The following RBM12 variants were observed in gnomAD, a reference collection of about 807,000 sequenced individuals.
RBM12 encodes the protein RNA binding motif protein 12.
A neutral mutation model predicts 37.2 loss-of-function variants in RBM12; 24 were observed. The ratio of observed to expected loss-of-function variants is 0.65; its 90% CI spans 0.47 to 0.91. RBM12 has a LOEUF of 0.91. Ranked by LOEUF, RBM12 falls within the 40% of genes least tolerant of loss-of-function variation. RBM12 has a pLI of 0.00. For missense variants in RBM12, 1,061 were observed against 1,183.2 expected, an observed-to-expected ratio of 0.90 and a Z score of 1.52; for synonymous variants, 420 against 425.2, an observed-to-expected ratio of 0.99 and a Z score of 0.15.
Position 35,649,772 on chromosome 20 carries a change from AGAAG to A in RBM12, c.*2748_*2751del, listed in dbSNP as rs753306409. 12 of 152,396 alleles carry A rather than the reference AGAAG, an allele frequency of 7.9e-5. No homozygotes were observed. The highest frequency in any genetic ancestry group is 2.4e-4 in the African/African-American group (10 of 41,456). The allele number at this position is 152,396 out of a possible 1,614,324, so 9.4% of individuals were successfully genotyped here. The stretch of plus-strand genomic sequence containing the variant: ...AATGAACACCAATAAAAAAAAAATC[AGAAG>A]GGAGAGGAAAAAAAATTAAATCTAA... On this transcript the variant is annotated 3_prime_UTR_variant, in exon 3 of 3. Coordinates refer to ENST00000374114, the MANE Select transcript of RBM12 (RefSeq NM_006047.6).
At position 35,654,907 on chromosome 20, in the gene RBM12, G is replaced by C; in HGVS notation, c.416C>G (p.Ser139Cys). 1 of 1,614,168 alleles carries C rather than the reference G, an allele frequency of 6.2e-7. No homozygotes were observed. Among genetic ancestry groups the C allele is most frequent in the Non-Finnish European group, 8.5e-7 (1 of 1,179,994 alleles). Residue 139 changes from serine (S) to cysteine (C), a missense_variant, in exon 3 of 3, where the codon TCT (serine) becomes TGT (cysteine). By Grantham distance (112) the Ser-to-Cys change is moderately radical. Coordinates refer to ENST00000374114, the MANE Select transcript of RBM12 (RefSeq NM_006047.6). ...PSPSVVTATT[S>C]VHESNKNIQT... Reference sequence around the variant, plus strand: ...TATGTTTTTGTTGCTTTCATGAACAGAAGTGGTGGCAGTAACTACACTGGG... The same window carrying C: ...TATGTTTTTGTTGCTTTCATGAACACAAGTGGTGGCAGTAACTACACTGGG...
At position 35,655,674 on chromosome 20, in the gene RBM12, C is replaced by G. The variant is rs149894776; in HGVS notation, c.-22-330G>C. Among the ~76,000 whole-genome samples the G allele has an allele frequency of 3.0e-3, 459 of 152,156 alleles. 2 individuals carry two copies. Among genetic ancestry groups the G allele is most frequent in the African/African-American group, 0.011 (440 of 41,476 alleles). Reference sequence around the variant, plus strand: ...ATTCAGTAAGATTTAAAAGAAATGTCTAAGTCAAATCAGGAAACAAAGTTT... The same window carrying G: ...ATTCAGTAAGATTTAAAAGAAATGTGTAAGTCAAATCAGGAAACAAAGTTT... On this transcript the variant is annotated intron_variant, in intron 2 of 2. Coordinates refer to ENST00000374114, the MANE Select transcript of RBM12 (RefSeq NM_006047.6).
At chr20:35,662,347 TG>T (rs2034277314) in intron 1 of RBM12, among the ~76,000 whole-genome samples, 1 of 152,232 alleles carries the variant, frequency 6.6e-6, no homozygotes, top group Non-Finnish European at 1.5e-5. Flanking sequence ...TCTTAAAAGC[TG>T]GCTTTAAACT....
At chr20:35,655,820 G>C (rs745325443) in intron 2 of RBM12, among the ~76,000 whole-genome samples, 2 of 152,060 alleles carry the variant, frequency 1.3e-5, no homozygotes, top group Non-Finnish European at 2.9e-5. Flanking sequence ...ATTTTATAGA[G>C]CTCAGTCTCA....
At chr20:35,660,510 C>T (rs1333999924) in intron 1 of RBM12, among the ~76,000 whole-genome samples, 5 of 152,160 alleles carry the variant, frequency 3.3e-5, no homozygotes, top group Admixed American at 2.6e-4. Context: ...TGAGCCACCA[C>T]GCCTGGCCTA....
intron 1 of RBM12, 35 bp downstream of exon 1, chr20:35,664,715 GAGCCCCGCAC>G (rs1568949663): frequency 6.6e-6 from 1 of 152,362 alleles, no homozygotes; most frequent in African/African-American, 2.4e-5. Context: ...GGGGCACCAC[GAGCCCCGCAC>G]AGCCCCACCC....
At position 35,653,171 on chromosome 20, in the gene RBM12, C is replaced by G; in HGVS notation, c.2152G>C (p.Gly718Arg). The G allele has an allele frequency of 6.2e-7, 1 of 1,613,534 alleles. No homozygotes were observed. Among genetic ancestry groups the G allele is most frequent in the Non-Finnish European group, 8.5e-7 (1 of 1,180,034 alleles). ...LTVGSKEANNGPPFNFPGNFG... is the reference protein window; with the variant it reads ...LTVGSKEANNRPPFNFPGNFG... The stretch of plus-strand genomic sequence containing the variant: ...TTACCAGGAAAGTTAAATGGAGGCC[C>G]ATTATTGGCTTCCTTTGATCCTACA... The change falls in exon 3 of 3, where the codon GGG (glycine) becomes CGG (arginine). Residue 718 changes from glycine to arginine, a missense_variant. Physicochemically the swap from Gly to Arg is moderately radical, Grantham distance 125 (BLOSUM62 -2). Coordinates refer to ENST00000374114, the MANE Select transcript of RBM12 (RefSeq NM_006047.6).
chr20:35,660,808 A>C (rs1465504165), intron 1 of RBM12, among the ~76,000 whole-genome samples: 4 of 152,184 alleles, frequency 2.6e-5, no homozygotes, highest in Admixed American at 6.5e-5. Flanking sequence ...ATAAGGTAAG[A>C]AGGTTCCTCT....
intron 2 of RBM12, among the ~76,000 whole-genome samples, chr20:35,656,230 T>C (rs1318189180): frequency 1.3e-5 from 2 of 152,196 alleles, no homozygotes; most frequent in Non-Finnish European, 2.9e-5. Flanking sequence ...AATAAAAATA[T>C]TTTTTGTTTT....
Position 35,658,929 on chromosome 20 carries a change from C to T in RBM12, c.-23+1G>A. ...CGAACTCTCTATTCAAAATCTCTTACCTGATAAAACAAGAGATGAATTTCC... is the reference window on the plus strand; with the variant it reads ...CGAACTCTCTATTCAAAATCTCTTATCTGATAAAACAAGAGATGAATTTCC... On this transcript the variant is annotated splice_donor_variant, in intron 2 of 2. Coordinates refer to ENST00000374114, the MANE Select transcript of RBM12 (RefSeq NM_006047.6). LOFTEE classifies it low-confidence loss of function (5UTR_SPLICE). The T allele has an allele frequency of 1.4e-6, 1 of 715,858 alleles. No homozygotes were observed. Among genetic ancestry groups the T allele is most frequent in the Non-Finnish European group, 2.6e-6 (1 of 384,560 alleles). The allele number at this position is 715,858 out of a possible 1,614,324, so 44.3% of individuals were successfully genotyped here. A position where few individuals can be genotyped will look rare whatever the true frequency, so the allele number is the denominator to read the frequency against.
intron 2 of RBM12, among the ~76,000 whole-genome samples, chr20:35,655,569 T>C (rs2033846183): frequency 6.6e-6 from 1 of 152,234 alleles, no homozygotes; most frequent in Non-Finnish European, 1.5e-5. Context: ...TGGAAACAGT[T>C]CAGTCCCAAG....
Position 35,655,361 on chromosome 20 carries a change from G to C in RBM12, c.-22-17C>G. 14 of 1,564,934 alleles carry C rather than the reference G, an allele frequency of 8.9e-6. No individual in the cohort carries two copies. The highest frequency in any genetic ancestry group is 1.0e-5 in the Non-Finnish European group (12 of 1,159,936). On this transcript the variant is annotated splice_polypyrimidine_tract_variant and intron_variant, in intron 2 of 2. Transcript: ENST00000374114. ...CACACACACCTGCAGATGAGAAAAG[G>C]CAACGGCCAGGTCAGACTCCTGTTT...
chr20:35,661,932 T>C (rs1173572690), intron 1 of RBM12, among the ~76,000 whole-genome samples: 2 of 152,154 alleles, frequency 1.3e-5, no homozygotes, highest in Non-Finnish European at 2.9e-5. Flanking sequence ...CCTCAGAGAT[T>C]AGCAACAGAG....
intron 1 of RBM12, among the ~76,000 whole-genome samples, chr20:35,663,836 C>A (rs989141349): frequency 2.0e-5 from 3 of 152,204 alleles, no homozygotes; most frequent in African/African-American, 4.8e-5. Flanking sequence ...GTCCCTCCCA[C>A]CACCCAATTC....
rs2033623010 is a variant in RBM12, at chr20:35,652,848, A to C, written c.2475T>G (p.Phe825Leu). The C allele has an allele frequency of 6.2e-7, 1 of 1,610,128 alleles. No individual in the cohort carries two copies. Among genetic ancestry groups the C allele is most frequent in the African/African-American group, 1.3e-5 (1 of 74,708 alleles). Residue 825 changes from phenylalanine (F) to leucine (L), a missense_variant, in exon 3 of 3, where the codon TTT becomes TTG. This residue lies in a region of RBM12 where 517 missense variants were observed against 534.0 expected (regional missense o/e 0.97). Coordinates refer to ENST00000374114, the MANE Select transcript of RBM12 (RefSeq NM_006047.6). ...APGHLGGPPA[F>L]GPGPGPGPGP... ...CGGGGCCGGGGCCGGGGCCAGGCCC[A>C]AAAGCTGGTGGCCCACCCAAATGCC...
chr20:35,650,605 T>C lies in RBM12; in HGVS notation c.*1919A>G, dbSNP rs1568930313. The stretch of plus-strand genomic sequence containing the variant: ...AAATTGAGGAGGCAGTATCTAGTGA[T>C]CGGTCAAAGCAAATCTGTATTCATG... On this transcript the variant is annotated 3_prime_UTR_variant, in exon 3 of 3. Transcript: ENST00000374114. 6.6e-6 allele frequency: 1 copy of C among 152,618 alleles called. No homozygotes were observed. The highest frequency in any genetic ancestry group is 1.9e-4 in the East Asian group (1 of 5,204). 9.5% of individuals were successfully genotyped at this position (152,618 alleles called of 1,614,324 possible). A position where few individuals can be genotyped will look rare whatever the true frequency, so the allele number is the denominator to read the frequency against.
rs1330401438 is a variant in RBM12, at chr20:35,653,088, C to T, written c.2235G>A (p.Gly745=). The T allele has an allele frequency of 1.9e-6, 3 of 1,613,882 alleles. No homozygotes were observed. Among genetic ancestry groups the T allele is most frequent in the Non-Finnish European group, 2.5e-6 (3 of 1,180,024 alleles). The change falls in exon 3 of 3, where the codon GGG becomes GGA. Residue 745 remains glycine (G), a synonymous_variant. Transcript: ENST00000374114. ...PPIPPPGLGG[G]AFGDARPGMP... ...TACCAGGCCTAGCATCACCAAAGGC[C>T]CCGCCTCCTAATCCTGGAGGAGGGA... is the stretch of plus-strand genomic sequence containing the variant.
rs752461307 is a variant in RBM12 at position 35,652,812 on chromosome 20, T to C, written c.2511A>G (p.Pro837=). 5.7e-6 allele frequency: 9 copies of C among 1,587,692 alleles called. No individual in the cohort carries two copies. The highest frequency in any genetic ancestry group is 1.3e-5 in the African/African-American group (1 of 74,300). The change falls in exon 3 of 3, where the codon CCA becomes CCG. Residue 837 remains proline (P), a synonymous_variant. Coordinates refer to ENST00000374114, the MANE Select transcript of RBM12 (RefSeq NM_006047.6). Reference sequence around the variant, plus strand: ...AGCCAGGGGGACCACCAATATGGATTGGGCCAGGGCCGGGGCCGGGGCCGG... The same window carrying C: ...AGCCAGGGGGACCACCAATATGGATCGGGCCAGGGCCGGGGCCGGGGCCGG... ...PGPGPGPGPG[P]IHIGGPPGFA... is the part of the protein sequence containing the mutation.
rs1020717200 is a variant in RBM12 at position 35,649,042 on chromosome 20, T to C, written c.*3482A>G. On this transcript the variant is annotated 3_prime_UTR_variant, in exon 3 of 3. Transcript: ENST00000374114. ...CTGCTGAGTGATGCCAAGGCAGTAT[T>C]TGCTGGCAATGTTGTGGCCATATTG... The C allele has an allele frequency of 1.3e-5, 2 of 152,668 alleles. No individual in the cohort carries two copies. The highest frequency in any genetic ancestry group is 2.9e-5 in the Non-Finnish European group (2 of 68,032). 9.5% of individuals were successfully genotyped at this position (152,668 alleles called of 1,614,324 possible).
Sources: gnomAD v4.1 joint callset for allele counts (sites outside exome capture counted in the v4.1 genomes callset) on GRCh38, gnomAD v4.1.1 for gene constraint, gnomAD v4.1.1 regional missense constraint, MANE v1.5 for transcripts, NCBI Gene and HGNC (gene_info 2026-07-23, HGNC 2026-07-21) for gene names.